Variants in PANK3 observed in about 807,000 individuals in gnomAD.
The protein encoded by PANK3 is pantothenate kinase 3, also known as hPanK3.
In PANK3, 20 loss-of-function variants were observed where a neutral mutation model predicts 39.4. The observed-to-expected ratio is 0.51, with a 90% CI of 0.36 to 0.74. The LOEUF (loss-of-function observed/expected upper bound fraction) is 0.74, where lower values mean the gene tolerates loss of function less well. Among genes scored for constraint, PANK3 ranks in the 30% least tolerant of loss-of-function variants. PANK3 has a pLI of 0.00. For missense variants in PANK3, 265 were observed against 437.0 expected (o/e 0.61, Z 3.51); for synonymous variants, 140 against 157.3 (o/e 0.89, Z 0.82).
At chr5:168,564,289 T>C (rs1047406147) in intron 3 of PANK3, among the ~76,000 whole-genome samples, 19 of 152,122 alleles carry the variant, frequency 1.2e-4, no homozygotes, top group African/African-American at 4.3e-4. Flanking sequence ...GGTGGAAACA[T>C]GAGGAAAGGA....
chr5:168,561,453 A>T lies in PANK3; in HGVS notation c.876T>A (p.Ala292=). 6.2e-7 allele frequency: 1 copy of T among 1,604,942 alleles called. No individual in the cohort carries two copies. Among genetic ancestry groups the T allele is most frequent in the Non-Finnish European group, 8.5e-7 (1 of 1,175,076 alleles). The change falls in exon 5 of 7, where the codon GCT becomes GCA. Residue 292 remains alanine (A), a synonymous_variant. Transcript: ENST00000239231. The part of the protein sequence containing the change: ...ESVSKEDLAR[A]TLVTITNNIG... ...TGTTATTGGTGATAGTAACTAAAGT[A>T]GCTCTTGCCAGATCTTCTTTACTAA...
chr5:168,570,379 C>G (rs1759608054), intron 1 of PANK3, among the ~76,000 whole-genome samples: 1 of 133,724 alleles, frequency 7.5e-6, no homozygotes, highest in South Asian at 2.5e-4. Context: ...AGCAAGACTC[C>G]GTCTCAAAAA....
chr5:168,571,528 T>G (rs1341166100), intron 1 of PANK3, among the ~76,000 whole-genome samples: 1 of 152,158 alleles, frequency 6.6e-6, no homozygotes. Flanking sequence ...TCTTAACTAT[T>G]ATGACAGAGA....
chr5:168,573,980 G>A (rs1447694298), intron 1 of PANK3, among the ~76,000 whole-genome samples: 10 of 151,968 alleles, frequency 6.6e-5, no homozygotes, highest in South Asian at 4.2e-4. Context: ...ATAAACATAC[G>A]TGTGCATGTG....
In PANK3 at chr5:168,550,285, G is replaced by A. The variant is rs1759256645; in HGVS notation, c.*7286C>T. 6.6e-6 allele frequency: 1 copy of A among 152,198 alleles called. No individual in the cohort carries two copies. The highest frequency in any genetic ancestry group is 1.5e-5 in the Non-Finnish European group (1 of 68,036). 9.4% of individuals were successfully genotyped at this position (152,198 alleles called of 1,614,324 possible). A position where few individuals can be genotyped will look rare whatever the true frequency, so the allele number is the denominator to read the frequency against. ...TCAGAACACATTTAAGATAGGCTAG[G>A]CTAAGCTGGGATGTTCAGTAGGTTA... On this transcript the variant is annotated 3_prime_UTR_variant, in exon 7 of 7. Coordinates refer to ENST00000239231, the MANE Select transcript of PANK3 (RefSeq NM_024594.4).
chr5:168,579,259 G>A lies in PANK3; in HGVS notation c.25C>T (p.Pro9Ser). 6.7e-7 allele frequency: 1 copy of A among 1,500,324 alleles called. No homozygotes were observed. The highest frequency in any genetic ancestry group is 1.4e-5 in the African/African-American group (1 of 68,976). 92.9% of individuals were successfully genotyped at this position (1,500,324 alleles called of 1,614,324 possible). MKIKDAKK[P>S]SFPWFGMDIG... ...CGGGCCCCAGCCCCCGTCTTACAGG[G>A]TTTCTTGGCATCTTTGATCTTCATG... The change falls in exon 1 of 7, where the codon CCC (proline) becomes TCC (serine). Residue 9 changes from proline (P) to serine (S), a missense_variant. Physicochemically the swap from Pro to Ser is moderately conservative, Grantham distance 74. Around this residue, in one of 3 missense-constraint regions of PANK3, gnomAD observed 154 missense variants for 256.8 expected, o/e 0.60. Coordinates refer to ENST00000239231, the MANE Select transcript of PANK3 (RefSeq NM_024594.4).
In PANK3 at chr5:168,579,316, G is replaced by C; in HGVS notation, c.-33C>G. ...GCCCGAGGGGCGATGGACGGCCTCC[G>C]ATCCGGGGCACTGAGAGCAGAGGCG... On this transcript the variant is annotated 5_prime_UTR_variant, in exon 1 of 7. The change creates a new upstream start codon in the 5' untranslated region. Coordinates refer to ENST00000239231, the MANE Select transcript of PANK3 (RefSeq NM_024594.4). The C allele has an allele frequency of 9.6e-6, 14 of 1,459,566 alleles. No individual in the cohort carries two copies. The highest frequency in any genetic ancestry group is 1.3e-5 in the Non-Finnish European group (14 of 1,100,562). 90.4% of individuals were successfully genotyped at this position (1,459,566 alleles called of 1,614,324 possible). A position where few individuals can be genotyped will look rare whatever the true frequency, so the allele number is the denominator to read the frequency against.
In PANK3 at chr5:168,557,341, C is replaced by A; in HGVS notation, c.*230G>T. 2 of 414,990 alleles carry A rather than the reference C, an allele frequency of 4.8e-6. No homozygotes were observed. The highest frequency in any genetic ancestry group is 4.2e-5 in the East Asian group (1 of 23,996). The allele number at this position is 414,990 out of a possible 1,614,324, so 25.7% of individuals were successfully genotyped here. A position where few individuals can be genotyped will look rare whatever the true frequency, so the allele number is the denominator to read the frequency against. On this transcript the variant is annotated 3_prime_UTR_variant, in exon 7 of 7. Coordinates refer to ENST00000239231, the MANE Select transcript of PANK3 (RefSeq NM_024594.4). ...TCTTTTTAAGAGGAAGCTCAATAAT[C>A]AGAGGCTGTATTGCATTTAAGGATT...
At chr5:168,575,321 G>T (rs945479913) in intron 1 of PANK3, among the ~76,000 whole-genome samples, 1 of 152,190 alleles carries the variant, frequency 6.6e-6, no homozygotes, top group Non-Finnish European at 1.5e-5. Context: ...ATATGCAAAA[G>T]GAGAAATCTT....
In PANK3 at chr5:168,579,269, A is replaced by G. The variant is rs1403935534; in HGVS notation, c.15T>C (p.Asp5=). 3 of 1,500,392 alleles carry G rather than the reference A, an allele frequency of 2.0e-6. 1 individual carries two copies. The highest frequency in any genetic ancestry group is 4.5e-5 in the Admixed American group (2 of 44,106). The allele number at this position is 1,500,392 out of a possible 1,614,324, so 92.9% of individuals were successfully genotyped here. Residue 5 remains aspartate (D), a synonymous_variant, in exon 1 of 7, where the codon GAT becomes GAC. Transcript: ENST00000239231. MKIK[D]AKKPSFPWFG... is the part of the protein sequence containing the mutation. Reference sequence around the variant, plus strand: ...CCCCCGTCTTACAGGGTTTCTTGGCATCTTTGATCTTCATGGCGTCGGCCC... The same window carrying G: ...CCCCCGTCTTACAGGGTTTCTTGGCGTCTTTGATCTTCATGGCGTCGGCCC...
In PANK3 at chr5:168,557,211, C is replaced by A. The variant is rs1413564994; in HGVS notation, c.*360G>T. The stretch of plus-strand genomic sequence containing the variant: ...CAAAACACATAAAACAGACTTGTAA[C>A]AAATATTCAGAGTCGATTATTTTCA... On this transcript the variant is annotated 3_prime_UTR_variant, in exon 7 of 7. Transcript: ENST00000239231. 1.1e-5 allele frequency: 2 copies of A among 183,854 alleles called. No individual in the cohort carries two copies. The highest frequency in any genetic ancestry group is 2.3e-5 in the Non-Finnish European group (2 of 88,394). 11.4% of individuals were successfully genotyped at this position (183,854 alleles called of 1,614,324 possible).
chr5:168,553,481 G>A lies in PANK3; in HGVS notation c.*4090C>T. 1 of 374,756 alleles carries A rather than the reference G, an allele frequency of 2.7e-6. No individual in the cohort carries two copies. The highest frequency in any genetic ancestry group is 2.1e-5 in the South Asian group (1 of 47,608). The allele number at this position is 374,756 out of a possible 1,614,324, so 23.2% of individuals were successfully genotyped here. A position where few individuals can be genotyped will look rare whatever the true frequency, so the allele number is the denominator to read the frequency against. ...GGTTGACAAAGAGTGCAACAGAAAG[G>A]AGCCAATCATATCACCATTGGGGAA... On this transcript the variant is annotated 3_prime_UTR_variant, in exon 7 of 7. Coordinates refer to ENST00000239231, the MANE Select transcript of PANK3 (RefSeq NM_024594.4).
At chr5:168,564,157 C>G in intron 3 of PANK3, 92 bp from the exon 4 acceptor site, 1 of 1,117,666 alleles carries the variant, frequency 8.9e-7, no homozygotes, top group Non-Finnish European at 1.2e-6. Flanking sequence ...ATTCAATGAA[C>G]ACACAGAAAA....
rs1439243012 is a variant in PANK3 at position 168,551,393 on chromosome 5, A to G, written c.*6178T>C. On this transcript the variant is annotated 3_prime_UTR_variant, in exon 7 of 7. Transcript: ENST00000239231. ...ACAAAACAGTTAAGTTAAATTCAAAATAATGTACACTCATTTTCATTATCC... is the reference window on the plus strand; with the variant it reads ...ACAAAACAGTTAAGTTAAATTCAAAGTAATGTACACTCATTTTCATTATCC... 6.6e-6 allele frequency: 1 copy of G among 152,220 alleles called. No individual in the cohort carries two copies. The highest frequency in any genetic ancestry group is 1.5e-5 in the Non-Finnish European group (1 of 68,028). The allele number at this position is 152,220 out of a possible 1,614,324, so 9.4% of individuals were successfully genotyped here.
chr5:168,548,775 T>G lies in PANK3; in HGVS notation c.*8796A>C, dbSNP rs1397596603. 6.6e-6 allele frequency: 1 copy of G among 152,174 alleles called. No homozygotes were observed. Among genetic ancestry groups the G allele is most frequent in the Non-Finnish European group, 1.5e-5 (1 of 68,018 alleles). 9.4% of individuals were successfully genotyped at this position (152,174 alleles called of 1,614,324 possible). On this transcript the variant is annotated 3_prime_UTR_variant, in exon 7 of 7. Coordinates refer to ENST00000239231, the MANE Select transcript of PANK3 (RefSeq NM_024594.4). ...TACTGTACATAAATGAAAAAATAAA[T>G]TAGGTAATTTACAAGAAATGTTTTA...
At chr5:168,577,791 A>G (rs1270893372) in intron 1 of PANK3, among the ~76,000 whole-genome samples, 1 of 152,240 alleles carries the variant, frequency 6.6e-6, no homozygotes, top group Non-Finnish European at 1.5e-5. Flanking sequence ...CAAGAGTCAG[A>G]ATTTGAGTTG....
At chr5:168,575,959 C>T (rs1442803654) in intron 1 of PANK3, among the ~76,000 whole-genome samples, 1 of 152,120 alleles carries the variant, frequency 6.6e-6, no homozygotes, top group African/African-American at 2.4e-5. Context: ...CTAGATAACG[C>T]TTCAACTTCC....
chr5:168,575,041 GA>G (rs919636606), intron 1 of PANK3, among the ~76,000 whole-genome samples: 4 of 150,484 alleles, frequency 2.7e-5, no homozygotes, highest in South Asian at 2.1e-4. Flanking sequence ...TTGCTAAGGT[GA>G]AAAAAAAGAA....
At chr5:168,570,384 CAA>C (rs35264834) in intron 1 of PANK3, among the ~76,000 whole-genome samples, 8 of 84,240 alleles carry the variant, frequency 9.5e-5, no homozygotes, top group Admixed American at 1.3e-4. Flanking sequence ...GACTCCGTCT[CAA>C]AAAAAAAAAA....
Sources: allele counts gnomAD v4.1 joint callset (sites outside exome capture counted in the v4.1 genomes callset), GRCh38; gene constraint gnomAD v4.1.1; regional missense constraint gnomAD v4.1.1; transcripts MANE v1.5; gene names NCBI Gene and HGNC (gene_info 2026-07-23, HGNC 2026-07-21).